Variants in FBXO31 observed in about 807,000 individuals in gnomAD.
FBXO31 encodes the protein F-box protein 31.
Under a neutral mutation model 54.4 loss-of-function variants are expected in FBXO31, and 24 were observed. The observed-to-expected ratio is 0.44, with a 90% CI of 0.32 to 0.62. FBXO31 has a LOEUF of 0.62. Ranked by LOEUF, FBXO31 falls within the 20% of genes least tolerant of loss-of-function variation. The pLI is 0.05. For missense variants in FBXO31, 665 were observed against 787.1 expected (o/e 0.84, Z 1.86); for synonymous variants, 388 against 335.6 (o/e 1.16, Z -1.71).
Position 87,329,981 on chromosome 16 carries a change from C to T in FBXO31, c.*1307G>A, listed in dbSNP as rs1430339482. 1 of 152,364 alleles carries T rather than the reference C, an allele frequency of 6.6e-6. No individual in the cohort carries two copies. Among genetic ancestry groups the T allele is most frequent in the African/African-American group, 2.4e-5 (1 of 41,470 alleles). The allele number at this position is 152,364 out of a possible 1,614,324, so 9.4% of individuals were successfully genotyped here. On this transcript the variant is annotated 3_prime_UTR_variant, in exon 9 of 9. Transcript: ENST00000311635. ...AGACTGTCACCTTCCCGAGGTCCCTCACCAGCAGGACGTGTCCAGGGTGCC... is the reference window on the plus strand; with the variant it reads ...AGACTGTCACCTTCCCGAGGTCCCTTACCAGCAGGACGTGTCCAGGGTGCC...
At chr16:87,378,035 T>C (rs1285580500) in intron 1 of FBXO31, among the ~76,000 whole-genome samples, 1 of 151,772 alleles carries the variant, frequency 6.6e-6, no homozygotes, top group Non-Finnish European at 1.5e-5. Context: ...GGTGCACACC[T>C]GTAATCCCAG....
rs1194079099 is a variant in FBXO31, at chr16:87,358,298, G to T, written c.412+1997C>A. 6.6e-6 allele frequency: 1 copy of T among 152,530 alleles called. No individual in the cohort carries two copies. Among genetic ancestry groups the T allele is most frequent in the Admixed American group, 6.6e-5 (1 of 15,266 alleles). 9.4% of individuals were successfully genotyped at this position (152,530 alleles called of 1,614,324 possible). ...TGAAAGGATGACAAAAAGCCACGAGGTCCGCTTGCTCCAGGACCAAAGCTG... is the reference window on the plus strand; with the variant it reads ...TGAAAGGATGACAAAAAGCCACGAGTTCCGCTTGCTCCAGGACCAAAGCTG... On this transcript the variant is annotated intron_variant, in intron 2 of 8. Coordinates refer to ENST00000311635, the MANE Select transcript of FBXO31 (RefSeq NM_024735.5). This position sits in a 1 kb window ranked among gnomAD's most constrained non-coding sequence, Gnocchi z 4.0.
chr16:87,364,735 C>A (rs1242941264), intron 1 of FBXO31, among the ~76,000 whole-genome samples: 3 of 151,890 alleles, frequency 2.0e-5, no homozygotes, highest in Non-Finnish European at 4.4e-5. Context: ...TTGCAGATTA[C>A]AAAACATTTT....
intron 1 of FBXO31, among the ~76,000 whole-genome samples, chr16:87,381,745 G>A (rs1275355115): frequency 6.6e-6 from 1 of 152,156 alleles, no homozygotes; most frequent in Non-Finnish European, 1.5e-5. Flanking sequence ...CACCCTACCA[G>A]CCAGCGTGGG....
At chr16:87,391,331 C>T (rs575567442), upstream of FBXO31, among the ~76,000 whole-genome samples, 8 of 152,326 alleles carry the variant, frequency 5.3e-5, no homozygotes, top group East Asian at 1.4e-3. Flanking sequence ...GAATCTAGTG[C>T]TGTTCCTACA....
chr16:87,331,917 A>C (rs1014734450), intron 8 of FBXO31, among the ~76,000 whole-genome samples: 2 of 152,252 alleles, frequency 1.3e-5, no homozygotes, highest in Non-Finnish European at 2.9e-5. Flanking sequence ...ATGTGAAAAA[A>C]AATCTTAATG....
rs1024730655 is a variant in FBXO31, at chr16:87,345,149, C to A, written c.490-1384G>T. Among the ~76,000 whole-genome samples the A allele has an allele frequency of 5.9e-5, 9 of 152,202 alleles. No homozygotes were observed. The highest frequency in any genetic ancestry group is 1.2e-4 in the Non-Finnish European group (8 of 68,038). ...ACACACCCGCCCTCGCTGGGCTCAG[C>A]CCCTGGTCCCACAAAAGGGAGCGGA... On this transcript the variant is annotated intron_variant, in intron 3 of 8. Coordinates refer to ENST00000311635, the MANE Select transcript of FBXO31 (RefSeq NM_024735.5). This position sits in a 1 kb window ranked among gnomAD's most constrained non-coding sequence, Gnocchi z 4.9.
exon 1 of FBXO31, chr16:87,389,797 G>A (rs1176793721): frequency 6.6e-6 from 1 of 152,082 alleles, no homozygotes; most frequent in Non-Finnish European, 1.5e-5. Flanking sequence ...TCTTCTGAAC[G>A]CTGTCCTAGA....
rs183927482 is a variant in FBXO31, at chr16:87,345,552, T to G, written c.489+1622A>C. ...GCAGGTGACCGAGAAACACAGAAAC[T>G]AAAACTACAAGCAGACATCTGCTCC... On this transcript the variant is annotated intron_variant, in intron 3 of 8. Transcript: ENST00000311635. This position sits in a 1 kb window ranked among gnomAD's most constrained non-coding sequence, Gnocchi z 4.9. 7.2e-3 allele frequency among the ~76,000 whole-genome samples: 1,091 copies of G among 151,670 alleles called. 1 individual carries two copies. The highest frequency in any genetic ancestry group is 0.017 in the Middle Eastern group (5 of 294).
chr16:87,374,560 G>T (rs1906742305), intron 1 of FBXO31, among the ~76,000 whole-genome samples: 1 of 152,160 alleles, frequency 6.6e-6, no homozygotes, highest in African/African-American at 2.4e-5. Flanking sequence ...TATAGGAAAA[G>T]GGTATTTCTA....
chr16:87,333,992 C>CG lies in FBXO31; in HGVS notation c.1290dup (p.Val431ArgfsTer27). ...TGGGCAGGCTGCTCGGCCGCAGCTA[C>CG]GGCATCCCCAGGCTCGCCACCATCC... On this transcript the variant is annotated frameshift_variant, in exon 8 of 9. Transcript: ENST00000311635. LOFTEE classifies it high-confidence loss of function. 6.2e-7 allele frequency: 1 copy of CG among 1,612,844 alleles called. No individual in the cohort carries two copies. Among genetic ancestry groups the CG allele is most frequent in the Non-Finnish European group, 8.5e-7 (1 of 1,179,816 alleles).
chr16:87,371,763 A>G (rs1187467624), intron 1 of FBXO31, among the ~76,000 whole-genome samples: 1 of 152,242 alleles, frequency 6.6e-6, no homozygotes, highest in Non-Finnish European at 1.5e-5. Flanking sequence ...AGGATCAGTG[A>G]GCGCGCAGCG....
Position 87,338,726 on chromosome 16 carries a change from C to G in FBXO31, c.733-2462G>C, listed in dbSNP as rs534958678. ...GATGCCAAAGAGACTGCATTGCCCT[C>G]GAAGCCTCCCCTGTCCAGAGCCTGG... On this transcript the variant is annotated intron_variant, in intron 5 of 8. Coordinates refer to ENST00000311635, the MANE Select transcript of FBXO31 (RefSeq NM_024735.5). The surrounding 1 kb of genome is among the most constrained non-coding windows in gnomAD (Gnocchi z 4.3). Among the ~76,000 whole-genome samples, 9 of 152,204 alleles carry G rather than the reference C, an allele frequency of 5.9e-5. No individual in the cohort carries two copies. The highest frequency in any genetic ancestry group is 2.1e-4 in the South Asian group (1 of 4,826).
intron 1 of FBXO31, among the ~76,000 whole-genome samples, chr16:87,376,138 G>A (rs1400433530): frequency 6.6e-6 from 1 of 152,122 alleles, no homozygotes; most frequent in Non-Finnish European, 1.5e-5. Flanking sequence ...AAACACGCAA[G>A]CCTCACCCAC....
intron 1 of FBXO31, among the ~76,000 whole-genome samples, chr16:87,380,613 C>A (rs932316822): frequency 8.5e-5 from 13 of 152,138 alleles, no homozygotes; most frequent in African/African-American, 3.1e-4. Flanking sequence ...GTCTTGAACT[C>A]CTGGGCTCAA....
At chr16:87,348,000 A>G (rs1328492444) in intron 2 of FBXO31, among the ~76,000 whole-genome samples, 1 of 152,212 alleles carries the variant, frequency 6.6e-6, no homozygotes, top group Non-Finnish European at 1.5e-5. Flanking sequence ...GCCAATGGTC[A>G]GGTCAGGCTG....
chr16:87,391,160 G>A (rs770979784), upstream of FBXO31, among the ~76,000 whole-genome samples: 3 of 152,212 alleles, frequency 2.0e-5, no homozygotes, highest in Middle Eastern at 3.4e-3. Flanking sequence ...AGACCAGCCC[G>A]GGCAACACAG....
intron 1 of FBXO31, among the ~76,000 whole-genome samples, chr16:87,381,515 C>T (rs370340715): frequency 1.3e-5 from 2 of 152,196 alleles, no homozygotes; most frequent in South Asian, 2.1e-4. Context: ...CAGATAAACA[C>T]GAGCCTGGGC....
intron 1 of FBXO31, among the ~76,000 whole-genome samples, chr16:87,378,049 T>C (rs1906906264): frequency 6.6e-6 from 1 of 151,506 alleles, no homozygotes. Flanking sequence ...ATCCCAGTTA[T>C]TCAGGAGGCT....
Sources: gnomAD v4.1 joint callset for allele counts (sites outside exome capture counted in the v4.1 genomes callset) on GRCh38, gnomAD v4.1.1 for gene constraint, Gnocchi (gnomAD v3.1) non-coding constraint, MANE v1.5 for transcripts, NCBI Gene and HGNC (gene_info 2026-07-23, HGNC 2026-07-21) for gene names.